The following HUWE1 variants were observed in gnomAD, a reference collection of about 807,000 sequenced individuals.
HUWE1 encodes the protein E3 ubiquitin-protein ligase HUWE1.
HUWE1 carries 18 observed loss-of-function variants against 299.4 expected under a neutral mutation model. The observed-to-expected ratio is 0.06, with a 90% CI of 0.04 to 0.09. The LOEUF is 0.09. HUWE1 is among the 10% of genes least tolerant of loss of function. The probability of loss-of-function intolerance (pLI) is 1.00; values close to 1 mark genes in which losing one functional copy is unlikely to be tolerated. For synonymous variants in HUWE1, 1,317 were observed against 1,286.1 expected (o/e 1.02, Z -0.51); for missense variants, 1,832 against 3,462.3 (o/e 0.53, Z 11.82).
intron 24 of HUWE1, among the ~76,000 whole-genome samples, chrX:53,608,379 CAT>C (rs35007111): frequency 0.4 from 44,624 of 110,644 alleles, 7,999 homozygotes; most frequent in Non-Finnish European, 0.54. Context: ...ATTTGGAAAA[CAT>C]ATTACAGGTT....
chrX:53,538,722 A>ACTCTCT lies in HUWE1; in HGVS notation c.11878+112_11878+113insAGAGAG, dbSNP rs879987418. On this transcript the variant is annotated intron_variant, in intron 76 of 83. Transcript: ENST00000262854. ...TACACACACACACACACACACACACACACTCTCTCTCTCTCTCTCTCTCTC... is the reference window on the plus strand; with the variant it reads ...TACACACACACACACACACACACACACTCTCTCACTCTCTCTCTCTCTCTCTCTCTC... 4,091 of 433,693 alleles carry ACTCTCT rather than the reference A, an allele frequency of 9.4e-3. 48 individuals carry two copies. Among genetic ancestry groups the ACTCTCT allele is most frequent in the Admixed American group, 0.026 (631 of 24,451 alleles). 35.7% of individuals were successfully genotyped at this position (433,693 alleles called of 1,213,427 possible).
chrX:53,590,162 C>T (rs2064083927), intron 35 of HUWE1, among the ~76,000 whole-genome samples: 1 of 112,370 alleles, frequency 8.9e-6, no homozygotes, highest in African/African-American at 3.2e-5. Flanking sequence ...AATGGCACTA[C>T]TGAGTACACA....
chrX:53,682,861 G>C (rs1014386024), intron 2 of HUWE1, among the ~76,000 whole-genome samples: 6 of 111,387 alleles, frequency 5.4e-5, no homozygotes, highest in Middle Eastern at 4.3e-3. Context: ...GCCTTCTGAG[G>C]GGGAGGAATG....
chrX:53,634,355 G>A, intron 7 of HUWE1, 57 bp from the exon 8 acceptor site: 1 of 845,926 alleles, frequency 1.2e-6, no homozygotes, highest in Non-Finnish European at 1.8e-6. Flanking sequence ...TTGCGCCACT[G>A]CACTCCAGCC....
chrX:53,536,019 C>T, intron 80 of HUWE1, 128 bp downstream of exon 80: 1 of 414,557 alleles, frequency 2.4e-6, no homozygotes, highest in Admixed American at 3.0e-5. Flanking sequence ...ACACCTGCTA[C>T]AGCTTTAAGA....
At chrX:53,622,042 CAG>C (rs1198528034) in intron 19 of HUWE1, among the ~76,000 whole-genome samples, 1 of 112,042 alleles carries the variant, frequency 8.9e-6, no homozygotes, top group Non-Finnish European at 1.9e-5. Context: ...ATAGAAGAGC[CAG>C]AGGTCGGACA....
chrX:53,651,433 A>G (rs976558739), intron 4 of HUWE1, among the ~76,000 whole-genome samples: 17 of 111,612 alleles, frequency 1.5e-4, no homozygotes, highest in Non-Finnish European at 1.9e-5. Flanking sequence ...CATGAATACC[A>G]AAATCTATGC....
intron 15 of HUWE1, 101 bp from the exon 16 acceptor site, chrX:53,627,980 CA>C (rs1557019428): frequency 2.7e-6 from 2 of 748,681 alleles, no homozygotes; most frequent in Non-Finnish European, 4.1e-6. Context: ...CTCAGTAAGG[CA>C]GCACAGTATG....
At chrX:53,551,885 T>C (rs1413431643) in intron 63 of HUWE1, among the ~76,000 whole-genome samples, 1 of 111,178 alleles carries the variant, frequency 9.0e-6, no homozygotes, top group African/African-American at 3.3e-5. Flanking sequence ...GGGAAACCAG[T>C]GTATATGTCT....
chrX:53,666,395 G>A (rs1372943439), intron 3 of HUWE1, among the ~76,000 whole-genome samples: 1 of 111,648 alleles, frequency 9.0e-6, no homozygotes, highest in Non-Finnish European at 1.9e-5. Context: ...GCCCTGTGTT[G>A]ATCACTGTTC....
intron 7 of HUWE1, among the ~76,000 whole-genome samples, chrX:53,638,353 A>AC (rs1284130921): frequency 9.0e-6 from 1 of 111,657 alleles, no homozygotes; most frequent in African/African-American, 3.3e-5. Context: ...AAAACAAAAA[A>AC]CAAAAAAAAA....
intron 3 of HUWE1, among the ~76,000 whole-genome samples, chrX:53,657,563 C>T (rs2068803970): frequency 8.9e-6 from 1 of 111,795 alleles, no homozygotes; most frequent in African/African-American, 3.3e-5. Context: ...CACTGCTTTC[C>T]AACACTGTAT....
In HUWE1 at chrX:53,594,625, A is replaced by C; in HGVS notation, c.3381-4T>G. 2.5e-6 allele frequency: 3 copies of C among 1,209,587 alleles called. No homozygotes were observed. Among genetic ancestry groups the C allele is most frequent in the Non-Finnish European group, 3.4e-6 (3 of 894,023 alleles). On this transcript the variant is annotated splice_region_variant and splice_polypyrimidine_tract_variant and intron_variant, in intron 30 of 83. Transcript: ENST00000262854. ...TGAACAGATGAAGAATGTCAGCCTG[A>C]AAGTGGAAAAAAAGGCAAAACTTTA...
intron 3 of HUWE1, among the ~76,000 whole-genome samples, chrX:53,658,023 T>TG (rs1310066138): frequency 1.9e-5 from 1 of 52,442 alleles, no homozygotes; most frequent in African/African-American, 8.2e-5. Flanking sequence ...CACTCCAGCC[T>TG]GGGGCGACAA....
chrX:53,554,557 A>G, intron 61 of HUWE1, 76 bp downstream of exon 61: 3 of 1,036,074 alleles, frequency 2.9e-6, no homozygotes, highest in Non-Finnish European at 4.0e-6. Context: ...CTCAAGCAAA[A>G]GAGCAAAGAG....
chrX:53,586,610 A>C, intron 38 of HUWE1, 39 bp from the exon 39 acceptor site: 1 of 1,107,776 alleles, frequency 9.0e-7, no homozygotes, highest in Non-Finnish European at 1.2e-6. Context: ...AAAGCAAGAA[A>C]CCTGCACAAA....
intron 65 of HUWE1, 52 bp from the exon 66 acceptor site, chrX:53,550,820 T>C (rs2061739267): frequency 1.7e-6 from 2 of 1,189,831 alleles, no homozygotes; most frequent in African/African-American, 1.8e-5. Flanking sequence ...GTAAACTGGA[T>C]ATAGGTAATA....
At position 53,592,468 on chromosome X, in the gene HUWE1, TCTC is replaced by T. The variant is rs782192355; in HGVS notation, c.3899_3901del (p.Gly1300del). On this transcript the variant is annotated inframe_deletion, in exon 33 of 84. Coordinates refer to ENST00000262854, the MANE Select transcript of HUWE1 (RefSeq NM_031407.7). Reference sequence around the variant, plus strand: ...ACCTTCCTCTTGCCCTGTATCCTCTTCTCCTCGAGACCCCTCCTTCTCCTTGCT... The same window carrying T: ...ACCTTCCTCTTGCCCTGTATCCTCTTCTCGAGACCCCTCCTTCTCCTTGCT... The T allele has an allele frequency of 3.3e-6, 4 of 1,208,643 alleles. No individual in the cohort carries two copies. In the South Asian group the frequency reaches 5.3e-5, roughly 16 times the overall value.
At chrX:53,533,897 TC>T (rs1341110674) in intron 83 of HUWE1, 109 bp downstream of exon 83, 91 of 744,148 alleles carry the variant, frequency 1.2e-4, no homozygotes, top group Non-Finnish European at 1.7e-4. Flanking sequence ...TTACCCAAGG[TC>T]CAGGACTCAG....
Sources: gnomAD v4.1 joint callset for allele counts (sites outside exome capture counted in the v4.1 genomes callset) on GRCh38, gnomAD v4.1.1 for gene constraint, MANE v1.5 for transcripts, NCBI Gene and HGNC (gene_info 2026-07-23, HGNC 2026-07-21) for gene names.